MCPH1: variants seen among roughly 807,000 people sequenced by gnomAD.
MCPH1 encodes the protein microcephalin 1.
In MCPH1, 104 loss-of-function variants were observed where a neutral mutation model predicts 84.5. The ratio of observed to expected loss-of-function variants is 1.23; its 90% CI spans 1.05 to 1.45. The LOEUF (loss-of-function observed/expected upper bound fraction) is 1.45. Ranked by LOEUF, MCPH1 falls within the 40% of genes most tolerant of loss-of-function variation. MCPH1 has a pLI of 0.00. For missense variants in MCPH1, 1,498 were observed against 1,005.7 expected, an observed-to-expected ratio of 1.49 and a Z score of -6.62; for synonymous variants, 514 against 366.8, an observed-to-expected ratio of 1.40 and a Z score of -4.58.
At chr8:6,411,849 G>A (rs935464637) in intron 2 of MCPH1, among the ~76,000 whole-genome samples, 3 of 152,182 alleles carry the variant, frequency 2.0e-5, no homozygotes, top group African/African-American at 7.2e-5. Context: ...GCATGTCTTA[G>A]AACTTAACCC....
chr8:6,612,749 C>G (rs1236104594), intron 12 of MCPH1, among the ~76,000 whole-genome samples: 1 of 152,242 alleles, frequency 6.6e-6, no homozygotes, highest in Non-Finnish European at 1.5e-5. Context: ...CCATGTCCTG[C>G]TCCTTCTCCC....
At chr8:6,597,762 C>G (rs564959590) in intron 12 of MCPH1, among the ~76,000 whole-genome samples, 93 of 152,326 alleles carry the variant, frequency 6.1e-4, no homozygotes, top group Middle Eastern at 3.4e-3. Context: ...TCACTGCGCC[C>G]CTCCTGAACC....
At chr8:6,617,115 A>G (rs930738866) in intron 12 of MCPH1, 2 of 152,114 alleles carry the variant, frequency 1.3e-5, no homozygotes, top group African/African-American at 4.8e-5. Context: ...TTTTTTGTCC[A>G]TTAGCAAGTT....
chr8:6,643,007 G>T lies in MCPH1; in HGVS notation c.2466G>T (p.Gln822His), dbSNP rs35614690. 3.1e-6 allele frequency: 5 copies of T among 1,614,056 alleles called. No individual in the cohort carries two copies. The highest frequency in any genetic ancestry group is 4.2e-6 in the Non-Finnish European group (5 of 1,179,970). ...SEKWVLDSIT[Q>H]HKVCAPENYL... is the part of the protein sequence containing the mutation. The stretch of plus-strand genomic sequence containing the variant: ...CTCTCTCTCTAGATTCCATCACCCA[G>T]CACAAGGTCTGTGCCCCTGAAAACT... Residue 822 changes from glutamine (Q) to histidine (H), a missense_variant, in exon 14 of 14, where the codon CAG becomes CAT. Gln to His is a conservative substitution (Grantham distance 24, BLOSUM62 0). Transcript: ENST00000344683.
intron 12 of MCPH1, among the ~76,000 whole-genome samples, chr8:6,509,281 A>G (rs1486174932): frequency 3.9e-5 from 6 of 152,210 alleles, no homozygotes; most frequent in African/African-American, 1.4e-4. Flanking sequence ...GAAACCTTCA[A>G]CACATATCAC....
At chr8:6,521,072 T>A in intron 12 of MCPH1, 1 of 745,138 alleles carries the variant, frequency 1.3e-6, no homozygotes, top group South Asian at 1.9e-5. Context: ...ATATGAAATA[T>A]ATGAGAAATA....
chr8:6,619,927 T>A (rs890189305), intron 12 of MCPH1, among the ~76,000 whole-genome samples: 3 of 152,208 alleles, frequency 2.0e-5, no homozygotes, highest in African/African-American at 7.2e-5. Context: ...TGTGTCCTAC[T>A]TTAAAATGAA....
chr8:6,591,939 A>G (rs1828488367), intron 12 of MCPH1, among the ~76,000 whole-genome samples: 1 of 152,212 alleles, frequency 6.6e-6, no homozygotes, highest in African/African-American at 2.4e-5. Context: ...TCAGAATACA[A>G]TGCTGGGGGA....
chr8:6,630,860 G>A (rs1015720607), intron 13 of MCPH1, among the ~76,000 whole-genome samples: 2 of 148,690 alleles, frequency 1.3e-5, no homozygotes, highest in Non-Finnish European at 3.0e-5. Context: ...ATTTGAAAAA[G>A]TCAAATAGGC....
intron 12 of MCPH1, among the ~76,000 whole-genome samples, chr8:6,529,462 T>G (rs1254408508): frequency 6.6e-6 from 1 of 151,354 alleles, no homozygotes; most frequent in Non-Finnish European, 1.5e-5. Context: ...TCTTTTTTTT[T>G]TTTTTTTGAG....
intron 12 of MCPH1, among the ~76,000 whole-genome samples, chr8:6,610,913 G>A (rs1027642826): frequency 2.6e-5 from 4 of 151,968 alleles, no homozygotes; most frequent in Admixed American, 2.0e-4. Flanking sequence ...ATTGAAACTT[G>A]GGACTTTTGA....
intron 13 of MCPH1, among the ~76,000 whole-genome samples, chr8:6,632,675 G>A (rs2129582447): frequency 6.6e-6 from 1 of 152,200 alleles, no homozygotes; most frequent in East Asian, 1.9e-4. Context: ...CGGCCGTGGT[G>A]GCACGTGCCT....
intron 12 of MCPH1, among the ~76,000 whole-genome samples, chr8:6,580,518 G>A (rs2167074): frequency 0.42 from 64,530 of 151,996 alleles, 14,618 homozygotes; most frequent in East Asian, 0.85. Flanking sequence ...AGCTGGGCAT[G>A]GTGGCGTGTT....
chr8:6,637,633 G>C (rs372143724), intron 13 of MCPH1, among the ~76,000 whole-genome samples: 1 of 152,150 alleles, frequency 6.6e-6, no homozygotes. Context: ...TTAGGCTGCG[G>C]TATATGTTTG....
intron 12 of MCPH1, among the ~76,000 whole-genome samples, chr8:6,563,703 G>C (rs140378938): frequency 6.6e-6 from 1 of 152,142 alleles, no homozygotes; most frequent in Non-Finnish European, 1.5e-5. Flanking sequence ...TCCTGTAAAC[G>C]TGTGCCTTTT....
chr8:6,638,743 G>A (rs1231544305), intron 13 of MCPH1, among the ~76,000 whole-genome samples: 2 of 152,136 alleles, frequency 1.3e-5, no homozygotes, highest in South Asian at 4.1e-4. Context: ...TTCCTATGAA[G>A]TGACATTGGA....
chr8:6,640,608 T>TGC (rs1470666286), intron 13 of MCPH1, among the ~76,000 whole-genome samples: 101 of 152,330 alleles, frequency 6.6e-4, no homozygotes, highest in African/African-American at 2.4e-3. Context: ...TTTTGTTGTG[T>TGC]TATAAAACTC....
chr8:6,517,822 C>T (rs1816562521), intron 12 of MCPH1, among the ~76,000 whole-genome samples: 1 of 152,188 alleles, frequency 6.6e-6, no homozygotes, highest in South Asian at 2.1e-4. Flanking sequence ...GTCTATCTCT[C>T]CCTGGATCAG....
chr8:6,414,837 G>C lies in MCPH1; in HGVS notation c.187G>C (p.Ala63Pro). The C allele has an allele frequency of 1.2e-6, 2 of 1,613,830 alleles. No individual in the cohort carries two copies. The highest frequency in any genetic ancestry group is 1.7e-6 in the Non-Finnish European group (2 of 1,179,902). The change falls in exon 3 of 14, where the codon GCT (alanine) becomes CCT (proline). Residue 63 changes from alanine to proline, a missense_variant. Coordinates refer to ENST00000344683, the MANE Select transcript of MCPH1 (RefSeq NM_024596.5). ...KDGYQSTWDK[A>P]QKRGVKLVSV... ...TGGCTACCAGAGCACTTGGGACAAAGCTCAGAAGAGAGGCGTAAAGCTCGT... is the reference window on the plus strand; with the variant it reads ...TGGCTACCAGAGCACTTGGGACAAACCTCAGAAGAGAGGCGTAAAGCTCGT...
Sources: gnomAD v4.1 joint callset for allele counts (sites outside exome capture counted in the v4.1 genomes callset) on GRCh38, gnomAD v4.1.1 for gene constraint, MANE v1.5 for transcripts, NCBI Gene and HGNC (gene_info 2026-07-23, HGNC 2026-07-21) for gene names.